The following CARS1 variants were observed in gnomAD, a reference collection of about 807,000 sequenced individuals.
CARS1 encodes cysteine--tRNA ligase, cytoplasmic.
CARS1 carries 48 observed loss-of-function variants against 106.2 expected under a neutral mutation model. That is an observed-to-expected ratio of 0.45 (90% confidence interval 0.36 to 0.57). CARS1 has a LOEUF of 0.57. Among genes scored for constraint, CARS1 ranks in the 20% least tolerant of loss-of-function variants. The pLI is 0.00. For missense variants in CARS1, 968 were observed against 1,057.2 expected (o/e 0.92, Z 1.17); for synonymous variants, 409 against 403.4 (o/e 1.01, Z -0.17).
In CARS1 at chr11:3,001,248, C is replaced by T; in HGVS notation, c.2362G>A (p.Gly788Ser). 1 of 1,613,362 alleles carries T rather than the reference C, an allele frequency of 6.2e-7. No individual in the cohort carries two copies. Among genetic ancestry groups the T allele is most frequent in the Non-Finnish European group, 8.5e-7 (1 of 1,180,018 alleles). Residue 788 changes from glycine to serine, a missense_variant and splice_region_variant, in exon 23 of 23, where the codon GGT becomes AGT. Coordinates refer to ENST00000380525, the MANE Select transcript of CARS1 (RefSeq NM_001014437.3). Reference sequence around the variant, plus strand: ...CCCTCCATGTCATGTGTGGGCAGACCCTGAAAACCCAGAGCACAGCGGCTA... The same window carrying T: ...CCCTCCATGTCATGTGTGGGCAGACTCTGAAAACCCAGAGCACAGCGGCTA... Reference protein sequence around the residue: ...TDKYSKFDENGLPTHDMEGKE... With the variant: ...TDKYSKFDENSLPTHDMEGKE...
chr11:3,027,898 C>A lies in CARS1; in HGVS notation c.1031+1098G>T, dbSNP rs1046202873. ...GGAGTCTCCCTTGCCCCGCGGGAGT[C>A]TGGAGAAGACTCTGCTCCTCCACCT... On this transcript the variant is annotated intron_variant, in intron 9 of 22. Transcript: ENST00000380525. The A allele has an allele frequency of 3.5e-5, 16 of 451,930 alleles. No individual in the cohort carries two copies. In the Admixed American group the frequency reaches 3.6e-4, roughly 10 times the overall value. 28.0% of individuals were successfully genotyped at this position (451,930 alleles called of 1,614,324 possible). A position where few individuals can be genotyped will look rare whatever the true frequency, so the allele number is the denominator to read the frequency against.
intron 17 of CARS1, among the ~76,000 whole-genome samples, chr11:3,012,814 G>A (rs563548047): frequency 7.5e-4 from 113 of 151,302 alleles, no homozygotes; most frequent in Non-Finnish European, 1.2e-3. Flanking sequence ...GCAGCTACAC[G>A]TAGATTCACC....
rs1012849964 is a variant in CARS1 at position 3,053,116 on chromosome 11, A to G, written c.25+4227T>C. On this transcript the variant is annotated intron_variant, in intron 1 of 22. Coordinates refer to ENST00000380525, the MANE Select transcript of CARS1 (RefSeq NM_001014437.3). This position sits in a 1 kb window ranked among gnomAD's most constrained non-coding sequence, Gnocchi z 6.6. ...TTGCTCAGCACAGATACCAAAACAA[A>G]GCCACACCAAATGAACAACAACCCT... 6.6e-6 allele frequency among the ~76,000 whole-genome samples: 1 copy of G among 152,256 alleles called. No homozygotes were observed. Among genetic ancestry groups the G allele is most frequent in the Non-Finnish European group, 1.5e-5 (1 of 68,042 alleles).
rs1160232665 is a variant in CARS1 at position 3,003,418 on chromosome 11, G to A, written c.2218-818C>T. Among the ~76,000 whole-genome samples the A allele has an allele frequency of 6.6e-6, 1 of 152,188 alleles. No individual in the cohort carries two copies. The highest frequency in any genetic ancestry group is 1.5e-5 in the Non-Finnish European group (1 of 68,030). On this transcript the variant is annotated intron_variant, in intron 20 of 22. Transcript: ENST00000380525. The surrounding 1 kb of genome is among the most constrained non-coding windows in gnomAD (Gnocchi z 4.8). The stretch of plus-strand genomic sequence containing the variant: ...GGAGTTGAAAATCACATTTACTTTG[G>A]ACAGCCTAGATATCAGAGGCTTCCT...
At chr11:3,012,952 T>C (rs927795325) in intron 17 of CARS1, among the ~76,000 whole-genome samples, 8 of 148,682 alleles carry the variant, frequency 5.4e-5, no homozygotes, top group Admixed American at 2.0e-4. Flanking sequence ...TGCAATGGTG[T>C]GATCTCGGCT....
At position 3,021,331 on chromosome 11, in the gene CARS1, C is replaced by T. The variant is rs552240359; in HGVS notation, c.1154-999G>A. Among the ~76,000 whole-genome samples the T allele has an allele frequency of 3.5e-4, 54 of 152,310 alleles. No homozygotes were observed. The highest frequency in any genetic ancestry group is 1.6e-3 in the Admixed American group (24 of 15,292). The stretch of plus-strand genomic sequence containing the variant: ...ACCAGGACCCACGCCAGGTCTTGCC[C>T]GGCTGCTGCAGCCTTTCCTGGTCCC... On this transcript the variant is annotated intron_variant, in intron 10 of 22. Transcript: ENST00000380525. The surrounding 1 kb of genome is among the most constrained non-coding windows in gnomAD (Gnocchi z 5.3).
rs970084811 is a variant in CARS1, at chr11:3,039,821, C to T, written c.552+14G>A. 3 of 1,351,730 alleles carry T rather than the reference C, an allele frequency of 2.2e-6. No individual in the cohort carries two copies. The Admixed American group carries it at 6.8e-5, about 30-fold the overall frequency. 83.7% of individuals were successfully genotyped at this position (1,351,730 alleles called of 1,614,324 possible). On this transcript the variant is annotated intron_variant, in intron 5 of 22. Transcript: ENST00000380525. The surrounding 1 kb of genome is among the most constrained non-coding windows in gnomAD (Gnocchi z 5.6). ...CAATTGCATTTAAAATTTAATCTTA[C>T]AAATTCCCTTTACCTTGTCATCAAT...
In CARS1 at chr11:3,001,227, C is replaced by T; in HGVS notation, c.2383G>A (p.Glu795Lys). 6.2e-7 allele frequency: 1 copy of T among 1,613,908 alleles called. No homozygotes were observed. The highest frequency in any genetic ancestry group is 8.5e-7 in the Non-Finnish European group (1 of 1,180,040). Reference sequence around the variant, plus strand: ...TGCCCTTTGCTGAGCTCTTTGCCCTCCATGTCATGTGTGGGCAGACCCTGA... The same window carrying T: ...TGCCCTTTGCTGAGCTCTTTGCCCTTCATGTCATGTGTGGGCAGACCCTGA... ...DENGLPTHDM[E>K]GKELSKGQAK... Residue 795 changes from glutamate (E) to lysine (K), a missense_variant, in exon 23 of 23, where the codon GAG (glutamate) becomes AAG (lysine). Transcript: ENST00000380525.
In CARS1 at chr11:3,046,994, C is replaced by T. The variant is rs1284702313; in HGVS notation, c.274+759G>A. ...TTTCTGATTTTTAAAAAGTTCAATGCCGGCCGGGCGCGGTGGTTCACACTT... is the reference window on the plus strand; with the variant it reads ...TTTCTGATTTTTAAAAAGTTCAATGTCGGCCGGGCGCGGTGGTTCACACTT... On this transcript the variant is annotated intron_variant, in intron 2 of 22. Coordinates refer to ENST00000380525, the MANE Select transcript of CARS1 (RefSeq NM_001014437.3). The surrounding 1 kb of genome is among the most constrained non-coding windows in gnomAD (Gnocchi z 5.8). 6.6e-6 allele frequency among the ~76,000 whole-genome samples: 1 copy of T among 152,064 alleles called. No individual in the cohort carries two copies. The highest frequency in any genetic ancestry group is 1.5e-5 in the Non-Finnish European group (1 of 68,000).
chr11:3,017,761 T>C lies in CARS1; in HGVS notation c.1727+96A>G. The C allele has an allele frequency of 2.4e-6, 2 of 816,376 alleles. No individual in the cohort carries two copies. The highest frequency in any genetic ancestry group is 4.2e-6 in the Non-Finnish European group (2 of 480,998). The allele number at this position is 816,376 out of a possible 1,614,324, so 50.6% of individuals were successfully genotyped here. A position where few individuals can be genotyped will look rare whatever the true frequency, so the allele number is the denominator to read the frequency against. ...CAACGTACGACAGTGTCCCCAGCCC[T>C]TCCTCGACAGTCCAGGACACATGGT... On this transcript the variant is annotated intron_variant, in intron 15 of 22. Coordinates refer to ENST00000380525, the MANE Select transcript of CARS1 (RefSeq NM_001014437.3). This position sits in a 1 kb window ranked among gnomAD's most constrained non-coding sequence, Gnocchi z 4.9.
chr11:3,026,729 C>T lies in CARS1; in HGVS notation c.1100G>A (p.Gly367Glu), dbSNP rs766302762. 2 of 1,613,996 alleles carry T rather than the reference C, an allele frequency of 1.2e-6. No homozygotes were observed. The highest frequency in any genetic ancestry group is 4.5e-5 in the East Asian group (2 of 44,876). ...TCCAACGGCCTCAGGCACCAGCTTC[C>T]CATAGGAGTGCTTCTCGCTAGAAGC... ...KFASSEKHSYGKLVPEAVGDQ... is the reference protein window; with the variant it reads ...KFASSEKHSYEKLVPEAVGDQ... Residue 367 changes from glycine (G) to glutamate (E), a missense_variant, in exon 10 of 23, where the codon GGG becomes GAG. Transcript: ENST00000380525.
Position 3,025,553 on chromosome 11 carries a change from T to C in CARS1, c.1153+1123A>G, listed in dbSNP as rs1028671431. Reference sequence around the variant, plus strand: ...TTTAGGTTCTGATATTTCTTTAGAATAGAGCCTAAAATTAGATAAAAGTAT... The same window carrying C: ...TTTAGGTTCTGATATTTCTTTAGAACAGAGCCTAAAATTAGATAAAAGTAT... On this transcript the variant is annotated intron_variant, in intron 10 of 22. Transcript: ENST00000380525. Among the ~76,000 whole-genome samples the C allele has an allele frequency of 2.0e-5, 3 of 152,372 alleles. No homozygotes were observed. The East Asian group carries it at 5.8e-4, about 29-fold the overall frequency.
chr11:3,019,225 T>C lies in CARS1; in HGVS notation c.1309A>G (p.Thr437Ala). 3 of 1,496,126 alleles carry C rather than the reference T, an allele frequency of 2.0e-6. No homozygotes were observed. The South Asian group carries it at 4.1e-5, about 20-fold the overall frequency. The allele number at this position is 1,496,126 out of a possible 1,614,324, so 92.7% of individuals were successfully genotyped here. ...ATGTCCATCGAAGCCCCTAGGAGGGTGCCTGCCATGGCCGAGCACTCGATA... is the reference window on the plus strand; with the variant it reads ...ATGTCCATCGAAGCCCCTAGGAGGGCGCCTGCCATGGCCGAGCACTCGATA... ...WHIECSAMAGTLLGASMDIHG... is the reference protein window; with the variant it reads ...WHIECSAMAGALLGASMDIHG... Residue 437 changes from threonine (T) to alanine (A), a missense_variant, in exon 12 of 23, where the codon ACC (threonine) becomes GCC (alanine). By Grantham distance (58) the Thr-to-Ala change is moderately conservative. Coordinates refer to ENST00000380525, the MANE Select transcript of CARS1 (RefSeq NM_001014437.3). The surrounding 1 kb of genome is among the most constrained non-coding windows in gnomAD (Gnocchi z 6.2).
intron 10 of CARS1, among the ~76,000 whole-genome samples, chr11:3,024,053 C>G (rs574966776): frequency 6.6e-6 from 1 of 152,196 alleles, no homozygotes; most frequent in South Asian, 2.1e-4. Flanking sequence ...CCACCACACC[C>G]GGCTAATTTT....
Position 3,024,914 on chromosome 11 carries a change from C to T in CARS1, c.1153+1762G>A, listed in dbSNP as rs1851904044. 2.0e-5 allele frequency among the ~76,000 whole-genome samples: 3 copies of T among 152,190 alleles called. No homozygotes were observed. The South Asian group carries it at 6.2e-4, about 31-fold the overall frequency. On this transcript the variant is annotated intron_variant, in intron 10 of 22. Transcript: ENST00000380525. ...AAGGATGTTCTTTAATTCCTGAGTGCAAAGTTCCCAGCTCTCAAACCAAGC... is the reference window on the plus strand; with the variant it reads ...AAGGATGTTCTTTAATTCCTGAGTGTAAAGTTCCCAGCTCTCAAACCAAGC...
In CARS1 at chr11:3,041,813, C is replaced by T. The variant is rs1854496783; in HGVS notation, c.366+352G>A. Among the ~76,000 whole-genome samples the T allele has an allele frequency of 1.3e-5, 2 of 152,174 alleles. No individual in the cohort carries two copies. The highest frequency in any genetic ancestry group is 2.9e-5 in the Non-Finnish European group (2 of 68,036). On this transcript the variant is annotated intron_variant, in intron 3 of 22. Transcript: ENST00000380525. The surrounding 1 kb of genome is among the most constrained non-coding windows in gnomAD (Gnocchi z 4.9). ...CCATCCTGCTTGGCTCATACAGTGC[C>T]ACCTGCTGCAACCACGCGTCCTCCT...
intron 17 of CARS1, among the ~76,000 whole-genome samples, chr11:3,012,749 C>T (rs1286193217): frequency 6.6e-6 from 1 of 152,224 alleles, no homozygotes; most frequent in African/African-American, 2.4e-5. Context: ...GTCACACATA[C>T]ACTTGTTTAA....
chr11:3,005,497 G>A (rs1849771416), intron 19 of CARS1, 64 bp from the exon 20 acceptor site: 1 of 1,068,830 alleles, frequency 9.4e-7, no homozygotes, highest in Non-Finnish European at 1.4e-6. Flanking sequence ...TGCGGGGCCA[G>A]CCCTGCCCTG....
Position 3,050,881 on chromosome 11 carries a change from C to T in CARS1, c.26-2880G>A, listed in dbSNP as rs1296632779. ...CTCTCCGCAGCACCCCTGTCTAACA[C>T]GTGCCCGCATTTCTTTCCTTCACCA... On this transcript the variant is annotated intron_variant, in intron 1 of 22. Transcript: ENST00000380525. This position sits in a 1 kb window ranked among gnomAD's most constrained non-coding sequence, Gnocchi z 6.3. Among the ~76,000 whole-genome samples, 2 of 152,230 alleles carry T rather than the reference C, an allele frequency of 1.3e-5. No individual in the cohort carries two copies. Among genetic ancestry groups the T allele is most frequent in the African/African-American group, 4.8e-5 (2 of 41,458 alleles).
Sources: allele counts gnomAD v4.1 joint callset (sites outside exome capture counted in the v4.1 genomes callset), GRCh38; gene constraint gnomAD v4.1.1; non-coding constraint Gnocchi (gnomAD v3.1); transcripts MANE v1.5; gene names NCBI Gene and HGNC (gene_info 2026-07-23, HGNC 2026-07-21).